Variants in TMBIM6 observed in about 807,000 individuals in gnomAD.
TMBIM6 encodes the protein transmembrane BAX inhibitor motif containing 6, also known as bax inhibitor 1.
Under a neutral mutation model 31.4 loss-of-function variants are expected in TMBIM6, and 13 were observed. That is an observed-to-expected ratio of 0.41 (90% CI 0.27 to 0.66). The LOEUF (loss-of-function observed/expected upper bound fraction) is 0.66. Among genes scored for constraint, TMBIM6 ranks in the 30% least tolerant of loss-of-function variants. The pLI is 0.28. For missense variants in TMBIM6, 275 were observed against 289.5 expected (o/e 0.95, Z 0.36); for synonymous variants, 85 against 101.7 (o/e 0.84, Z 0.99).
intron 1 of TMBIM6, among the ~76,000 whole-genome samples, chr12:49,750,027 A>G (rs1945466902): frequency 6.6e-6 from 1 of 152,158 alleles, no homozygotes; most frequent in Non-Finnish European, 1.5e-5. Flanking sequence ...ATGATTTCAA[A>G]CCACAAGCTT....
chr12:49,761,714 G>C lies in TMBIM6; in HGVS notation c.625G>C (p.Asp209His). Residue 209 changes from aspartate (D) to histidine (H), a missense_variant, in exon 9 of 10, where the codon GAT becomes CAT. Asp to His is a moderately conservative substitution (Grantham distance 81). Transcript: ENST00000267115. ...GDQDYIWHCI[D>H]LFLDFITVFR... ...GTTCTTGCCTTTCAGGCACTGCATT[G>C]ATCTCTTCTTAGATTTCATTACTGT... 6.2e-7 allele frequency: 1 copy of C among 1,614,180 alleles called. No individual in the cohort carries two copies. The highest frequency in any genetic ancestry group is 8.5e-7 in the Non-Finnish European group (1 of 1,180,034).
chr12:49,741,946 A>G (rs1223628051), intron 1 of TMBIM6: 3 of 820,752 alleles, frequency 3.7e-6, no homozygotes, highest in African/African-American at 1.8e-5. Context: ...CTTCTCCTCT[A>G]CTAAGTGTAG....
chr12:49,752,694 C>T, intron 2 of TMBIM6, 145 bp downstream of exon 2: 1 of 725,274 alleles, frequency 1.4e-6, no homozygotes, highest in Non-Finnish European at 2.3e-6. Flanking sequence ...TGTCCAAATT[C>T]TACACGTTGC....
At chr12:49,755,803 G>T in intron 4 of TMBIM6, 48 bp downstream of exon 4, 6 of 1,550,646 alleles carry the variant, frequency 3.9e-6, no homozygotes, top group Non-Finnish European at 4.4e-6. Context: ...TATATTTTCA[G>T]TATCTCTTAA....
intron 1 of TMBIM6, among the ~76,000 whole-genome samples, chr12:49,746,481 C>T (rs1945396581): frequency 6.6e-6 from 1 of 152,146 alleles, no homozygotes; most frequent in Admixed American, 6.5e-5. Context: ...TGAACTCATT[C>T]TATGTACAAA....
Position 49,763,580 on chromosome 12 carries a change from C to G in TMBIM6, c.*684C>G, listed in dbSNP as rs1182445554. The G allele has an allele frequency of 6.6e-6, 1 of 152,250 alleles. No individual in the cohort carries two copies. The highest frequency in any genetic ancestry group is 2.4e-5 in the African/African-American group (1 of 41,454). 9.4% of individuals were successfully genotyped at this position (152,250 alleles called of 1,614,324 possible). On this transcript the variant is annotated 3_prime_UTR_variant, in exon 10 of 10. Transcript: ENST00000267115. Reference sequence around the variant, plus strand: ...ATCCATGGGTGGGAAGACTTCAGCACAAAGGAAAGACTAATTCTTGTCAGG... The same window carrying G: ...ATCCATGGGTGGGAAGACTTCAGCAGAAAGGAAAGACTAATTCTTGTCAGG...
At chr12:49,748,286 G>A (rs1428176558) in intron 1 of TMBIM6, among the ~76,000 whole-genome samples, 1 of 152,086 alleles carries the variant, frequency 6.6e-6, no homozygotes, top group Admixed American at 6.6e-5. Context: ...ACAAGGGTAA[G>A]GGAGATACCT....
Position 49,763,868 on chromosome 12 carries a change from TCTC to T in TMBIM6, c.*975_*977del, listed in dbSNP as rs966540555. 9.9e-5 allele frequency: 15 copies of T among 152,092 alleles called. No homozygotes were observed. Among genetic ancestry groups the T allele is most frequent in the African/African-American group, 3.6e-4 (15 of 41,434 alleles). The allele number at this position is 152,092 out of a possible 1,614,324, so 9.4% of individuals were successfully genotyped here. ...CTGTTTGGGGCAGCAGGGAGCAAAATCTCCTTTAACAACCAAGCAGTTCCTCAT... is the reference window on the plus strand; with the variant it reads ...CTGTTTGGGGCAGCAGGGAGCAAAATCTTTAACAACCAAGCAGTTCCTCAT... On this transcript the variant is annotated 3_prime_UTR_variant, in exon 10 of 10. Coordinates refer to ENST00000267115, the MANE Select transcript of TMBIM6 (RefSeq NM_003217.3).
chr12:49,760,285 CTG>C (rs917997199), intron 8 of TMBIM6, among the ~76,000 whole-genome samples: 1 of 152,086 alleles, frequency 6.6e-6, no homozygotes, highest in Non-Finnish European at 1.5e-5. Flanking sequence ...GGGTCTCGCT[CTG>C]TTGCCTAGGC....
chr12:49,745,706 CAG>C, intron 1 of TMBIM6, among the ~76,000 whole-genome samples: 1 of 131,676 alleles, frequency 7.6e-6, no homozygotes, highest in Admixed American at 7.2e-5. Context: ...GCCTGGGCAA[CAG>C]AGCGAGACTC....
intron 1 of TMBIM6, among the ~76,000 whole-genome samples, chr12:49,743,734 C>T (rs963783954): frequency 1.3e-5 from 2 of 151,968 alleles, no homozygotes; most frequent in African/African-American, 4.8e-5. Flanking sequence ...ATGGCTGAAA[C>T]TTTTGAAAGC....
chr12:49,755,313 G>T lies in TMBIM6; in HGVS notation c.166-322G>T, dbSNP rs1463339399. On this transcript the variant is annotated intron_variant, in intron 3 of 9. Transcript: ENST00000267115. ...GTTCTACAGATGGAATGTACTTTAA[G>T]CACTTGTCACGTTTCATTCATCCTT... 2.6e-5 allele frequency among the ~76,000 whole-genome samples: 4 copies of T among 152,120 alleles called. No individual in the cohort carries two copies. The East Asian group carries it at 7.7e-4, about 29-fold the overall frequency.
chr12:49,761,326 A>T (rs12314676), intron 8 of TMBIM6, among the ~76,000 whole-genome samples: 2 of 151,476 alleles, frequency 1.3e-5, no homozygotes, highest in African/African-American at 2.4e-5. Flanking sequence ...TGTTCCTCCC[A>T]TCTCAGCCTC....
chr12:49,762,793 T>G lies in TMBIM6; in HGVS notation c.691-80T>G, dbSNP rs754386176. 7 of 1,361,980 alleles carry G rather than the reference T, an allele frequency of 5.1e-6. No individual in the cohort carries two copies. The Admixed American group carries it at 1.2e-4, about 23-fold the overall frequency. 84.4% of individuals were successfully genotyped at this position (1,361,980 alleles called of 1,614,324 possible). Reference sequence around the variant, plus strand: ...AATTGTCTGGCTCACTTCTAGTCCCTAACTAAATGCTCACTCAAGAGTTTT... The same window carrying G: ...AATTGTCTGGCTCACTTCTAGTCCCGAACTAAATGCTCACTCAAGAGTTTT... On this transcript the variant is annotated intron_variant, in intron 9 of 9. Transcript: ENST00000267115.
At chr12:49,759,099 G>A (rs1437380268) in intron 7 of TMBIM6, 122 bp from the exon 8 acceptor site, 7 of 827,240 alleles carry the variant, frequency 8.5e-6, no homozygotes, top group Non-Finnish European at 1.4e-5. Context: ...TCTCGTGAAT[G>A]GTAATGTTCA....
intron 3 of TMBIM6, 24 bp from the exon 4 acceptor site, chr12:49,755,611 A>T (rs748365699): frequency 6.2e-7 from 1 of 1,607,078 alleles, no homozygotes; most frequent in Admixed American, 1.7e-5. Flanking sequence ...GTGTTTAATG[A>T]TTGATTGATT....
intron 2 of TMBIM6, 43 bp downstream of exon 2, chr12:49,752,592 T>G (rs1028690843): frequency 1.4e-6 from 2 of 1,460,178 alleles, no homozygotes; most frequent in East Asian, 4.5e-5. Context: ...GCATTTCTTT[T>G]CATATCTCTT....
Position 49,763,049 on chromosome 12 carries a change from A to G in TMBIM6, c.*153A>G, listed in dbSNP as rs1436100406. ...TTCCTCTATTTTGAATTTTTTGATC[A>G]AAAAACTGATTAGCAGAATATAGTT... is the stretch of plus-strand genomic sequence containing the variant. On this transcript the variant is annotated 3_prime_UTR_variant, in exon 10 of 10. Coordinates refer to ENST00000267115, the MANE Select transcript of TMBIM6 (RefSeq NM_003217.3). 1 of 832,078 alleles carries G rather than the reference A, an allele frequency of 1.2e-6. No individual in the cohort carries two copies. Among genetic ancestry groups the G allele is most frequent in the Non-Finnish European group, 1.9e-6 (1 of 535,766 alleles). 51.5% of individuals were successfully genotyped at this position (832,078 alleles called of 1,614,324 possible). A position where few individuals can be genotyped will look rare whatever the true frequency, so the allele number is the denominator to read the frequency against.
chr12:49,758,818 C>CTTTTT lies in TMBIM6; in HGVS notation c.513+68_513+72dup, dbSNP rs57007895. The CTTTTT allele has an allele frequency of 8.3e-4, 960 of 1,161,364 alleles. 7 individuals carry two copies. The African/African-American group carries it at 0.012, about 14-fold the overall frequency. The allele number at this position is 1,161,364 out of a possible 1,614,324, so 71.9% of individuals were successfully genotyped here. The stretch of plus-strand genomic sequence containing the variant: ...CATTTGCCTCACACTTCTTTCTTTC[C>CTTTTT]TTTTTTTTTTTTTTTTGCACTTCTT... On this transcript the variant is annotated intron_variant, in intron 7 of 9. Coordinates refer to ENST00000267115, the MANE Select transcript of TMBIM6 (RefSeq NM_003217.3).
Sources: gnomAD v4.1 joint callset for allele counts (sites outside exome capture counted in the v4.1 genomes callset) on GRCh38, gnomAD v4.1.1 for gene constraint, MANE v1.5 for transcripts, NCBI Gene and HGNC (gene_info 2026-07-23, HGNC 2026-07-21) for gene names.